The following CACNA1B variants were observed in gnomAD, a reference collection of about 807,000 sequenced individuals.
CACNA1B encodes the protein calcium voltage-gated channel subunit alpha1 B, also known as voltage-dependent N-type calcium channel subunit alpha-1B.
A neutral mutation model predicts 247.2 loss-of-function variants in CACNA1B; 70 were observed. The ratio of observed to expected loss-of-function variants is 0.28; its 90% CI spans 0.23 to 0.35. The LOEUF is 0.35. Among genes scored for constraint, CACNA1B ranks in the 10% least tolerant of loss-of-function variants. CACNA1B has a pLI of 1.00. For missense variants in CACNA1B, 2,367 were observed against 3,197.4 expected (o/e 0.74, Z 6.26); for synonymous variants, 1,231 against 1,294.4 (o/e 0.95, Z 1.05).
chr9:138,057,687 G>A lies in CACNA1B; in HGVS notation c.3969-45G>A. On this transcript the variant is annotated intron_variant, in intron 26 of 46. Coordinates refer to ENST00000371372, the MANE Select transcript of CACNA1B (RefSeq NM_000718.4). This position sits in a 1 kb window ranked among gnomAD's most constrained non-coding sequence, Gnocchi z 4.0. ...CACTCTTGATAGGTGGGTTTATTTG[G>A]ATCTTTTGTCTTTGCCCTCTAACCT... is the stretch of plus-strand genomic sequence containing the variant. 1 of 1,572,330 alleles carries A rather than the reference G, an allele frequency of 6.4e-7. No individual in the cohort carries two copies. Among genetic ancestry groups the A allele is most frequent in the East Asian group, 2.3e-5 (1 of 43,974 alleles).
chr9:137,986,316 T>A lies in CACNA1B; in HGVS notation c.1770-97T>A. On this transcript the variant is annotated intron_variant, in intron 13 of 46. Coordinates refer to ENST00000371372, the MANE Select transcript of CACNA1B (RefSeq NM_000718.4). This position sits in a 1 kb window ranked among gnomAD's most constrained non-coding sequence, Gnocchi z 6.0. ...ACACCTAGGTGTGCAGCCCTCAGGG[T>A]TTAGAAAGTCAGTGGAGCCTTAAGT... 1.5e-6 allele frequency: 2 copies of A among 1,368,704 alleles called. No individual in the cohort carries two copies. Among genetic ancestry groups the A allele is most frequent in the South Asian group, 2.6e-5 (2 of 76,272 alleles). The allele number at this position is 1,368,704 out of a possible 1,614,324, so 84.8% of individuals were successfully genotyped here.
At chr9:137,903,693 T>C (rs1432955274) in intron 3 of CACNA1B, among the ~76,000 whole-genome samples, 2 of 152,218 alleles carry the variant, frequency 1.3e-5, no homozygotes, top group African/African-American at 4.8e-5. Context: ...GAAATAAATA[T>C]ATATTCTGTC....
chr9:137,939,942 C>G (rs1957713856), intron 6 of CACNA1B, among the ~76,000 whole-genome samples: 1 of 152,004 alleles, frequency 6.6e-6, no homozygotes, highest in East Asian at 1.9e-4. Flanking sequence ...GAGGAAAGTT[C>G]ATAGCCCTAA....
Position 137,913,734 on chromosome 9 carries a change from G to A in CACNA1B, c.622+463G>A, listed in dbSNP as rs574043534. Among the ~76,000 whole-genome samples, 1 of 152,226 alleles carries A rather than the reference G, an allele frequency of 6.6e-6. No individual in the cohort carries two copies. The highest frequency in any genetic ancestry group is 1.5e-5 in the Non-Finnish European group (1 of 68,036). ...CTGAAGTGGGCTGCCCACAGAGCCT[G>A]CCATGAGCAGGAGGATGGCCAGGGT... On this transcript the variant is annotated intron_variant, in intron 4 of 46. Transcript: ENST00000371372. The surrounding 1 kb of genome is among the most constrained non-coding windows in gnomAD (Gnocchi z 5.2).
rs768018641 is a variant in CACNA1B at position 137,986,570 on chromosome 9, C to T, written c.1901+26C>T. The T allele has an allele frequency of 2.9e-5, 47 of 1,612,994 alleles. No individual in the cohort carries two copies. In the South Asian group the frequency reaches 5.1e-4, roughly 17 times the overall value. On this transcript the variant is annotated intron_variant, in intron 14 of 46. Coordinates refer to ENST00000371372, the MANE Select transcript of CACNA1B (RefSeq NM_000718.4). The surrounding 1 kb of genome is among the most constrained non-coding windows in gnomAD (Gnocchi z 6.0). Reference sequence around the variant, plus strand: ...GTAAGTGGGCCCGGGAGGGAGAGCTCAAGGCTGGGGGCTTGCAGGGAAGCA... The same window carrying T: ...GTAAGTGGGCCCGGGAGGGAGAGCTTAAGGCTGGGGGCTTGCAGGGAAGCA...
chr9:138,028,865 A>G (rs866752653), intron 20 of CACNA1B, among the ~76,000 whole-genome samples: 3 of 152,216 alleles, frequency 2.0e-5, no homozygotes, highest in African/African-American at 7.2e-5. Context: ...GGTGAGCTCT[A>G]AAAGTTCCCA....
Position 138,120,308 on chromosome 9 carries a change from C to A in CACNA1B, c.6174C>A (p.Arg2058=). 6.4e-7 allele frequency: 1 copy of A among 1,567,490 alleles called. No homozygotes were observed. The highest frequency in any genetic ancestry group is 8.6e-7 in the Non-Finnish European group (1 of 1,160,694). The change falls in exon 45 of 47, where the codon CGC becomes CGA. Residue 2058 remains arginine, a synonymous_variant. Coordinates refer to ENST00000371372, the MANE Select transcript of CACNA1B (RefSeq NM_000718.4). ...ACCACCACCACCACCGCTGCCACCG[C>A]CGCAGGGACAGGAAGCAGAGGTCCC... ...SSHHHHHRCH[R]RRDRKQRSLE... is the part of the protein sequence containing the mutation.
In CACNA1B at chr9:138,121,568, C is replaced by G; in HGVS notation, c.6589C>G (p.Pro2197Ala). Residue 2197 changes from proline to alanine, a missense_variant, in exon 47 of 47, where the codon CCC becomes GCC. Pro to Ala is a conservative substitution (Grantham distance 27). Around this residue, in one of 12 missense-constraint regions of CACNA1B, gnomAD observed 773 missense variants for 779.4 expected, o/e 0.99. Coordinates refer to ENST00000371372, the MANE Select transcript of CACNA1B (RefSeq NM_000718.4). The surrounding 1 kb of genome is among the most constrained non-coding windows in gnomAD (Gnocchi z 6.8). ...RRQLPQTPLTPRPSITYKTAN... is the reference protein window; with the variant it reads ...RRQLPQTPLTARPSITYKTAN... ...GCAGCTCCCCCAGACGCCCCTGACT[C>G]CCCGCCCCAGCATCACCTACAAGAC... 3 of 1,609,842 alleles carry G rather than the reference C, an allele frequency of 1.9e-6. No homozygotes were observed. Among genetic ancestry groups the G allele is most frequent in the Non-Finnish European group, 2.5e-6 (3 of 1,177,296 alleles).
Position 138,013,251 on chromosome 9 carries a change from G to A in CACNA1B, c.2267+16G>A, listed in dbSNP as rs759989566. ...CCATCGCCGCGTAAGGCTCCTAGGA[G>A]TGGATTGTGGGGTGGCAGTGGGGCT... On this transcript the variant is annotated intron_variant, in intron 18 of 46. Coordinates refer to ENST00000371372, the MANE Select transcript of CACNA1B (RefSeq NM_000718.4). 18 of 1,552,716 alleles carry A rather than the reference G, an allele frequency of 1.2e-5. No individual in the cohort carries two copies. The highest frequency in any genetic ancestry group is 5.7e-5 in the African/African-American group (4 of 69,996).
chr9:138,012,145 A>T lies in CACNA1B; in HGVS notation c.2161-984A>T, dbSNP rs1001195606. Among the ~76,000 whole-genome samples the T allele has an allele frequency of 6.6e-6, 1 of 152,220 alleles. No individual in the cohort carries two copies. Among genetic ancestry groups the T allele is most frequent in the African/African-American group, 2.4e-5 (1 of 41,462 alleles). ...GTGAAGTTCAGGGCCAGGCACTGCA[A>T]GTGGTCACCCAGGAGTGGGGGAGAC... On this transcript the variant is annotated intron_variant, in intron 17 of 46. Transcript: ENST00000371372. The surrounding 1 kb of genome is among the most constrained non-coding windows in gnomAD (Gnocchi z 4.2).
intron 3 of CACNA1B, chr9:137,892,119 C>T (rs1446158069): frequency 1.1e-5 from 5 of 456,870 alleles, no homozygotes; most frequent in Non-Finnish European, 2.2e-5. Context: ...TCCCTGCTGG[C>T]TCACCACAAA....
intron 34 of CACNA1B, among the ~76,000 whole-genome samples, chr9:138,075,530 C>A (rs145689367): frequency 6.6e-6 from 1 of 152,230 alleles, no homozygotes; most frequent in Non-Finnish European, 1.5e-5. Context: ...TCCTGTGTTA[C>A]GTGTGGCAGA....
At chr9:138,028,899 TG>T (rs1958953799) in intron 20 of CACNA1B, among the ~76,000 whole-genome samples, 2 of 152,310 alleles carry the variant, frequency 1.3e-5, no homozygotes, top group South Asian at 4.1e-4. Flanking sequence ...GTGGGTTTTC[TG>T]GGACCTCTAT....
Position 137,913,543 on chromosome 9 carries a change from T to C in CACNA1B, c.622+272T>C, listed in dbSNP as rs1957380332. Among the ~76,000 whole-genome samples the C allele has an allele frequency of 6.6e-6, 1 of 152,232 alleles. No homozygotes were observed. Among genetic ancestry groups the C allele is most frequent in the African/African-American group, 2.4e-5 (1 of 41,466 alleles). On this transcript the variant is annotated intron_variant, in intron 4 of 46. Coordinates refer to ENST00000371372, the MANE Select transcript of CACNA1B (RefSeq NM_000718.4). This position sits in a 1 kb window ranked among gnomAD's most constrained non-coding sequence, Gnocchi z 5.2. ...TCCTCCTCACATACTCTGTCACATTTCAGCATTTTGCTTCTTTTTCTGAGG... is the reference window on the plus strand; with the variant it reads ...TCCTCCTCACATACTCTGTCACATTCCAGCATTTTGCTTCTTTTTCTGAGG...
At chr9:137,947,090 C>T (rs1211501780) in intron 6 of CACNA1B, among the ~76,000 whole-genome samples, 1 of 152,060 alleles carries the variant, frequency 6.6e-6, no homozygotes, top group African/African-American at 2.4e-5. Context: ...TAGAGGTTTC[C>T]CATTGGTTAC....
intron 18 of CACNA1B, among the ~76,000 whole-genome samples, chr9:138,021,810 C>T (rs556912309): frequency 6.6e-6 from 1 of 152,352 alleles, no homozygotes; most frequent in South Asian, 2.1e-4. Context: ...GCACTGCGCC[C>T]AGAGCACCAC....
At chr9:137,946,726 C>T (rs924882287) in intron 6 of CACNA1B, among the ~76,000 whole-genome samples, 1 of 152,184 alleles carries the variant, frequency 6.6e-6, no homozygotes, top group Non-Finnish European at 1.5e-5. Context: ...CCTGCAGTTG[C>T]CTCCATGCTT....
chr9:137,953,728 T>TG (rs1274191734), intron 7 of CACNA1B, among the ~76,000 whole-genome samples: 1 of 151,890 alleles, frequency 6.6e-6, no homozygotes, highest in Non-Finnish European at 1.5e-5. Flanking sequence ...AGAGAACAGC[T>TG]GGGGTGGAGG....
chr9:137,904,351 T>C (rs1276397389), intron 3 of CACNA1B, among the ~76,000 whole-genome samples: 2 of 128,340 alleles, frequency 1.6e-5, no homozygotes, highest in Non-Finnish European at 3.2e-5. Context: ...TCTCTCTCTC[T>C]CTTTTTTTTT....
Sources: gnomAD v4.1 joint callset for allele counts (sites outside exome capture counted in the v4.1 genomes callset) on GRCh38, gnomAD v4.1.1 for gene constraint, gnomAD v4.1.1 regional missense constraint, Gnocchi (gnomAD v3.1) non-coding constraint, MANE v1.5 for transcripts, NCBI Gene and HGNC (gene_info 2026-07-23, HGNC 2026-07-21) for gene names.